The following LOC400499 variants were observed in gnomAD, a reference collection of about 807,000 sequenced individuals.
the LOC400499 span, among the ~76,000 whole-genome samples, chr16:11,517,949 G>T: frequency 5.9e-5 from 9 of 152,168 alleles, no homozygotes; most frequent in South Asian, 4.1e-4. Flanking sequence ...CTACCTTCCA[G>T]GGGGGCAGCG....
chr16:11,460,179 C>T, the LOC400499 span: 4 of 864,622 alleles, frequency 4.6e-6, no homozygotes, highest in Non-Finnish European at 6.3e-6. Flanking sequence ...CTGTAGAAAG[C>T]ACTATTTTTT....
the LOC400499 span, among the ~76,000 whole-genome samples, chr16:11,435,070 C>A: frequency 6.6e-6 from 1 of 152,226 alleles, no homozygotes; most frequent in African/African-American, 2.4e-5. Flanking sequence ...GCCTCCAACT[C>A]CCAAGCTCAA....
the LOC400499 span, chr16:11,461,007 GC>G: frequency 2.0e-6 from 3 of 1,535,948 alleles, no homozygotes; most frequent in Non-Finnish European, 2.6e-6. Flanking sequence ...TCCAGAGCTG[GC>G]CCCGTTGCTG....
chr16:11,484,174 A>T, the LOC400499 span, among the ~76,000 whole-genome samples: 3 of 151,442 alleles, frequency 2.0e-5, no homozygotes, highest in African/African-American at 7.3e-5. Context: ...CGCCTGGCTA[A>T]TTTTTTGTAT....
At chr16:11,468,101 C>A in the LOC400499 span, among the ~76,000 whole-genome samples, 2 of 146,652 alleles carry the variant, frequency 1.4e-5, no homozygotes, top group Admixed American at 6.9e-5. Flanking sequence ...AAAAAAAAAA[C>A]AAAAAACAAA....
the LOC400499 span, among the ~76,000 whole-genome samples, chr16:11,480,536 T>C: frequency 6.6e-6 from 1 of 152,172 alleles, no homozygotes; most frequent in Non-Finnish European, 1.5e-5. Flanking sequence ...GGAAAATGGT[T>C]ATGTAAACTG....
At chr16:11,499,922 C>G in the LOC400499 span, among the ~76,000 whole-genome samples, 3 of 152,174 alleles carry the variant, frequency 2.0e-5, no homozygotes, top group Non-Finnish European at 4.4e-5. Flanking sequence ...GCTGCCCTAC[C>G]TCTTTGGGCC....
the LOC400499 span, among the ~76,000 whole-genome samples, chr16:11,403,159 G>T: frequency 6.6e-6 from 1 of 152,220 alleles, no homozygotes; most frequent in Admixed American, 6.5e-5. Context: ...GCTGCCCGAG[G>T]CCCCTGTGCA....
chr16:11,448,887 C>A, the LOC400499 span: 1 of 1,425,672 alleles, frequency 7.0e-7, no homozygotes. Flanking sequence ...ATTCGGTGGT[C>A]TCTTGGCTGC....
At chr16:11,376,793 T>G in the LOC400499 span, among the ~76,000 whole-genome samples, 1 of 152,210 alleles carries the variant, frequency 6.6e-6, no homozygotes, top group Non-Finnish European at 1.5e-5. Context: ...AGTATTGACA[T>G]CTTAATGATA....
chr16:11,375,754 G>C, the LOC400499 span, among the ~76,000 whole-genome samples: 2 of 115,294 alleles, frequency 1.7e-5, no homozygotes, highest in Admixed American at 1.7e-4. Flanking sequence ...TTTTGAGATG[G>C]AGTTCGCTCT....
chr16:11,487,163 G>T, the LOC400499 span: 1,937 of 397,890 alleles, frequency 4.9e-3, 35 homozygotes, highest in African/African-American at 0.036. Context: ...GAACAATGGA[G>T]GCAAGGGATG....
the LOC400499 span, chr16:11,391,729 G>A: frequency 0.11 from 131,320 of 1,232,188 alleles, 7,834 homozygotes; most frequent in Non-Finnish European, 0.12. Context: ...AGAGGCAGGT[G>A]CTGGGTCAGT....
the LOC400499 span, among the ~76,000 whole-genome samples, chr16:11,496,902 G>C: frequency 7.8e-6 from 1 of 128,678 alleles, no homozygotes; most frequent in East Asian, 2.8e-4. Context: ...GTGTGTGTGT[G>C]TGTGTGTGTG....
chr16:11,523,582 T>A, the LOC400499 span: 1 of 396,228 alleles, frequency 2.5e-6, no homozygotes, highest in East Asian at 3.6e-5. Flanking sequence ...GAAATGATAA[T>A]GCCAGCTCTC....
At chr16:11,399,218 T>C in the LOC400499 span, 1 of 985,238 alleles carries the variant, frequency 1.0e-6, no homozygotes, top group Non-Finnish European at 1.2e-6. Flanking sequence ...GCATCCCACC[T>C]TCTTCCCCAT....
chr16:11,425,054 A>G, the LOC400499 span: 4 of 398,340 alleles, frequency 1.0e-5, no homozygotes, highest in African/African-American at 2.1e-5. Context: ...AGGCTCATTT[A>G]TCCCCCCTCC....
chr16:11,498,776 G>T, the LOC400499 span, among the ~76,000 whole-genome samples: 2 of 151,832 alleles, frequency 1.3e-5, no homozygotes, highest in East Asian at 4.0e-4. Context: ...CAAGCCGATC[G>T]ATGCCACCTG....
At chr16:11,487,320 C>G in the LOC400499 span, 1 of 399,208 alleles carries the variant, frequency 2.5e-6, no homozygotes. Context: ...TGTGGCAGAA[C>G]GGGGAAGAAA....
Sources: gnomAD v4.1 joint callset for allele counts (sites outside exome capture counted in the v4.1 genomes callset) on GRCh38, gnomAD v4.1.1 for gene constraint, MANE v1.5 for transcripts.